FSTL5: variants seen among roughly 807,000 people sequenced by gnomAD.
The protein encoded by FSTL5 is follistatin-related protein 5.
FSTL5 carries 62 observed loss-of-function variants against 89.1 expected under a neutral mutation model. The ratio of observed to expected loss-of-function variants is 0.70; its 90% confidence interval spans 0.57 to 0.86. The LOEUF is 0.86. Among genes scored for constraint, FSTL5 ranks in the 40% least tolerant of loss-of-function variants. The probability of loss-of-function intolerance (pLI) is 0.00; values close to 1 mark genes in which losing one functional copy is unlikely to be tolerated. For synonymous variants in FSTL5, 383 were observed against 346.2 expected (o/e 1.11, Z -1.18); for missense variants, 1,057 against 1,001.6 (o/e 1.06, Z -0.75).
chr4:161,418,459 C>T (rs1442793844), intron 15 of FSTL5, among the ~76,000 whole-genome samples: 1 of 152,092 alleles, frequency 6.6e-6, no homozygotes, highest in Non-Finnish European at 1.5e-5. Flanking sequence ...GGAAGTGGTG[C>T]TCCTTATAAT....
chr4:161,785,494 T>C (rs1741872075), intron 4 of FSTL5, among the ~76,000 whole-genome samples: 1 of 152,204 alleles, frequency 6.6e-6, no homozygotes, highest in South Asian at 2.1e-4. Flanking sequence ...CTAAATCTCA[T>C]GGTTTTGTAT....
At chr4:161,523,782 C>G (rs1047248908) in intron 10 of FSTL5, among the ~76,000 whole-genome samples, 4 of 152,064 alleles carry the variant, frequency 2.6e-5, no homozygotes, top group African/African-American at 7.2e-5. Context: ...TTAAACCTCC[C>G]TTGGTAATAA....
At chr4:162,103,594 T>C (rs1272503802) in intron 2 of FSTL5, among the ~76,000 whole-genome samples, 1 of 152,164 alleles carries the variant, frequency 6.6e-6, no homozygotes, top group African/African-American at 2.4e-5. Context: ...TCTTGGAACA[T>C]ACAGAAAATG....
At chr4:161,396,900 G>A (rs756803480) in intron 15 of FSTL5, among the ~76,000 whole-genome samples, 4 of 152,036 alleles carry the variant, frequency 2.6e-5, no homozygotes, top group Non-Finnish European at 5.9e-5. Context: ...AATAAAAGAA[G>A]GATCTTGTCC....
chr4:161,564,483 T>C (rs1273846678), intron 8 of FSTL5, among the ~76,000 whole-genome samples: 1 of 150,402 alleles, frequency 6.6e-6, no homozygotes, highest in Non-Finnish European at 1.5e-5. Flanking sequence ...AATATATTAA[T>C]TGATAACTAA....
At chr4:161,832,012 C>T (rs1174220809) in intron 4 of FSTL5, among the ~76,000 whole-genome samples, 1 of 151,938 alleles carries the variant, frequency 6.6e-6, no homozygotes, top group African/African-American at 2.4e-5. Flanking sequence ...CATATTCTTG[C>T]TATGTGCTAG....
intron 4 of FSTL5, among the ~76,000 whole-genome samples, chr4:161,810,826 C>T (rs1239863174): frequency 6.6e-6 from 1 of 152,106 alleles, no homozygotes; most frequent in African/African-American, 2.4e-5. Flanking sequence ...TAGTCATTAT[C>T]ATTAAAGTCA....
At chr4:161,741,414 G>A (rs1172429756) in intron 6 of FSTL5, among the ~76,000 whole-genome samples, 1 of 152,098 alleles carries the variant, frequency 6.6e-6, no homozygotes, top group African/African-American at 2.4e-5. Flanking sequence ...GTAGAGGGTT[G>A]AGCCAAGTAA....
intron 1 of FSTL5, among the ~76,000 whole-genome samples, chr4:162,146,927 G>A (rs138451760): frequency 1.4e-3 from 209 of 151,766 alleles, no homozygotes; most frequent in Middle Eastern, 6.8e-3. Flanking sequence ...GACTACAGGC[G>A]CACGCCACCA....
chr4:161,955,727 C>A (rs1012413257), intron 3 of FSTL5, among the ~76,000 whole-genome samples: 4 of 151,754 alleles, frequency 2.6e-5, no homozygotes, highest in African/African-American at 9.7e-5. Flanking sequence ...CTTTGGAATG[C>A]GCAAGTGAGT....
At chr4:161,937,601 G>A (rs1423845211) in intron 3 of FSTL5, among the ~76,000 whole-genome samples, 1 of 152,172 alleles carries the variant, frequency 6.6e-6, no homozygotes, top group Non-Finnish European at 1.5e-5. Flanking sequence ...AGCAGCAACA[G>A]GGAAGTCTAG....
intron 2 of FSTL5, among the ~76,000 whole-genome samples, chr4:162,058,423 CTTT>C (rs764578152): frequency 0.11 from 12,705 of 111,798 alleles, 419 homozygotes; most frequent in Middle Eastern, 0.15. Flanking sequence ...ATAAATTCCT[CTTT>C]TTTTTTTTTT....
At position 161,385,801 on chromosome 4, in the gene FSTL5, A is replaced by G; in HGVS notation, c.2490T>C (p.Cys830=). The change falls in exon 16 of 16, where the codon TGT becomes TGC. Residue 830 remains cysteine (C), a synonymous_variant. Coordinates refer to ENST00000306100, the MANE Select transcript of FSTL5 (RefSeq NM_020116.5). The part of the protein sequence containing the change: ...ILDGRLNKLN[C]EITEVEKGNT... ...TTCCTTTTTCAACTTCAGTGATCTC[A>G]CAGTTTAATTTATTGAGTCGTCCAT... is the stretch of plus-strand genomic sequence containing the variant. 6.2e-7 allele frequency: 1 copy of G among 1,610,408 alleles called. No individual in the cohort carries two copies. The highest frequency in any genetic ancestry group is 8.5e-7 in the Non-Finnish European group (1 of 1,178,530).
intron 10 of FSTL5, among the ~76,000 whole-genome samples, chr4:161,527,231 T>C (rs1731253375): frequency 6.6e-6 from 1 of 152,206 alleles, no homozygotes; most frequent in Admixed American, 6.5e-5. Context: ...ACTCATGATT[T>C]AGCTCTCTGT....
intron 10 of FSTL5, among the ~76,000 whole-genome samples, chr4:161,531,345 A>G (rs1578903315): frequency 6.6e-6 from 1 of 152,188 alleles, no homozygotes; most frequent in Admixed American, 6.5e-5. Flanking sequence ...AATGTGATTG[A>G]TACTACTATG....
chr4:161,668,782 T>C (rs948330374), intron 6 of FSTL5, among the ~76,000 whole-genome samples: 3 of 152,116 alleles, frequency 2.0e-5, no homozygotes, highest in Admixed American at 2.0e-4. Context: ...AAGATTTATA[T>C]AAAAAATTTT....
intron 1 of FSTL5, among the ~76,000 whole-genome samples, chr4:162,130,105 T>C (rs1346961873): frequency 6.6e-6 from 1 of 152,174 alleles, no homozygotes; most frequent in Non-Finnish European, 1.5e-5. Context: ...GTGGAGGTCT[T>C]GTAAAATGAC....
At chr4:161,649,276 C>T (rs1736255276) in intron 7 of FSTL5, among the ~76,000 whole-genome samples, 1 of 152,152 alleles carries the variant, frequency 6.6e-6, no homozygotes, top group Non-Finnish European at 1.5e-5. Context: ...TTCCTTTTCT[C>T]AAACTGTTTA....
At chr4:161,400,959 C>A (rs1019520051) in intron 15 of FSTL5, among the ~76,000 whole-genome samples, 2 of 152,110 alleles carry the variant, frequency 1.3e-5, no homozygotes, top group African/African-American at 4.8e-5. Flanking sequence ...TTATTTTTCA[C>A]AACTTCTGTA....
Sources: gnomAD v4.1 joint callset for allele counts (sites outside exome capture counted in the v4.1 genomes callset) on GRCh38, gnomAD v4.1.1 for gene constraint, MANE v1.5 for transcripts, NCBI Gene and HGNC (gene_info 2026-07-23, HGNC 2026-07-21) for gene names.